Variants in OSTF1 observed in about 807,000 individuals in gnomAD.
OSTF1 encodes osteoclast-stimulating factor 1.
OSTF1 carries 27 observed loss-of-function variants against 37.2 expected under a neutral mutation model. That is an observed-to-expected ratio of 0.73 (90% CI 0.54 to 1.00). The LOEUF is 1.00. Ranked by LOEUF, OSTF1 falls within the 50% of genes least tolerant of loss-of-function variation. OSTF1 has a pLI of 0.00. For synonymous variants in OSTF1, 82 were observed against 89.2 expected (o/e 0.92, Z 0.46); for missense variants, 232 against 253.8 (o/e 0.91, Z 0.58).
chr9:75,133,478 A>G, intron 6 of OSTF1, 77 bp downstream of exon 6: 1 of 858,122 alleles, frequency 1.2e-6, no homozygotes, highest in Non-Finnish European at 1.9e-6. Context: ...TTTACAAAAA[A>G]TGAGAAAGGA....
At position 75,098,897 on chromosome 9, in the gene OSTF1, T is replaced by G. The variant is rs74506811; in HGVS notation, c.34+10171T>G. Among the ~76,000 whole-genome samples the G allele has an allele frequency of 4.9e-3, 741 of 152,350 alleles. 5 individuals are homozygous for G. Among genetic ancestry groups the G allele is most frequent in the African/African-American group, 0.017 (703 of 41,586 alleles). ...TCTCCCTACCCATCACTCTGCCAGC[T>G]ATACTGGCAGAAACCAAAAGCCTCT... On this transcript the variant is annotated intron_variant, in intron 1 of 9. Transcript: ENST00000346234.
chr9:75,134,200 T>C (rs1196242864), intron 6 of OSTF1, 146 bp from the exon 7 acceptor site: 4 of 509,468 alleles, frequency 7.9e-6, no homozygotes, highest in Non-Finnish European at 1.4e-5. Context: ...TTCTTAAGTT[T>C]TTCTATTTTA....
At chr9:75,140,439 G>A (rs142783542) in intron 8 of OSTF1, among the ~76,000 whole-genome samples, 6 of 152,336 alleles carry the variant, frequency 3.9e-5, no homozygotes, top group African/African-American at 1.4e-4. Context: ...TAATTTGCAT[G>A]AGAGCAGACT....
At chr9:75,121,747 C>T (rs1452746132) in intron 2 of OSTF1, among the ~76,000 whole-genome samples, 8 of 152,194 alleles carry the variant, frequency 5.3e-5, no homozygotes, top group African/African-American at 1.9e-4. Flanking sequence ...GACCAGCAGC[C>T]ATCTTCTCTG....
chr9:75,104,930 C>T (rs963231681), intron 1 of OSTF1, among the ~76,000 whole-genome samples: 3 of 152,120 alleles, frequency 2.0e-5, no homozygotes, highest in Admixed American at 6.6e-5. Flanking sequence ...ACCTCAGTTT[C>T]CCCAGCTATA....
At chr9:75,093,050 C>G (rs866773179) in intron 1 of OSTF1, among the ~76,000 whole-genome samples, 3 of 135,230 alleles carry the variant, frequency 2.2e-5, no homozygotes, top group African/African-American at 3.1e-5. Flanking sequence ...TTCTCTCTCT[C>G]TCTTTCTTTC....
intron 1 of OSTF1, among the ~76,000 whole-genome samples, chr9:75,109,201 T>G (rs1024237392): frequency 1.3e-5 from 2 of 151,876 alleles, no homozygotes; most frequent in Admixed American, 6.6e-5. Flanking sequence ...TTAGTAGAGA[T>G]GAGGTTTCAC....
At chr9:75,126,427 C>G (rs1328158306) in intron 2 of OSTF1, among the ~76,000 whole-genome samples, 2 of 152,032 alleles carry the variant, frequency 1.3e-5, no homozygotes, top group African/African-American at 4.8e-5. Context: ...ATTTTTCATC[C>G]ACCATGATGA....
chr9:75,099,870 T>C (rs959127479), intron 1 of OSTF1, among the ~76,000 whole-genome samples: 4 of 152,170 alleles, frequency 2.6e-5, no homozygotes, highest in African/African-American at 9.7e-5. Context: ...TGACCCACTA[T>C]ATCTGGCCAA....
intron 1 of OSTF1, among the ~76,000 whole-genome samples, chr9:75,095,730 CAGAA>C (rs1260604307): frequency 2.6e-5 from 4 of 152,242 alleles, no homozygotes; most frequent in Admixed American, 2.0e-4. Flanking sequence ...TTGCTCCACA[CAGAA>C]AGCAAGAATT....
intron 1 of OSTF1, among the ~76,000 whole-genome samples, chr9:75,115,582 C>T (rs1221928206): frequency 6.6e-5 from 10 of 151,760 alleles, no homozygotes; most frequent in African/African-American, 2.2e-4. Context: ...ATAGATAGTC[C>T]CTCTATTTTG....
chr9:75,104,308 G>C (rs1825247564), intron 1 of OSTF1, among the ~76,000 whole-genome samples: 1 of 152,136 alleles, frequency 6.6e-6, no homozygotes, highest in South Asian at 2.1e-4. Flanking sequence ...GCTTTGGAAG[G>C]ACAAGGCAAG....
chr9:75,121,018 TCTG>T (rs1825572605), intron 2 of OSTF1, among the ~76,000 whole-genome samples: 1 of 152,214 alleles, frequency 6.6e-6, no homozygotes, highest in South Asian at 2.1e-4. Flanking sequence ...AGACACAGCG[TCTG>T]AGGAAGCAGG....
chr9:75,091,598 C>T (rs1185319204), intron 1 of OSTF1, among the ~76,000 whole-genome samples: 1 of 152,162 alleles, frequency 6.6e-6, no homozygotes, highest in Non-Finnish European at 1.5e-5. Flanking sequence ...ATAAAAATCT[C>T]CAAAGACAGC....
At chr9:75,112,225 A>T (rs1007177716) in intron 1 of OSTF1, among the ~76,000 whole-genome samples, 2 of 151,908 alleles carry the variant, frequency 1.3e-5, no homozygotes, top group African/African-American at 4.8e-5. Flanking sequence ...CCTATAGAAC[A>T]TTGCTCAAAA....
At chr9:75,143,454 G>GA (rs1825974606) in intron 9 of OSTF1, among the ~76,000 whole-genome samples, 1 of 152,178 alleles carries the variant, frequency 6.6e-6, no homozygotes, top group East Asian at 1.9e-4. Context: ...TGAAGCTAGA[G>GA]AACAGTTCCC....
At chr9:75,141,311 C>CAAAAAAAAA (rs1825939416) in intron 9 of OSTF1, among the ~76,000 whole-genome samples, 1 of 14,268 alleles carries the variant, frequency 7.0e-5, no homozygotes, top group Non-Finnish European at 1.4e-4. Flanking sequence ...AAAAAGAAAA[C>CAAAAAAAAA]CAAAAAAAAA....
At chr9:75,118,565 G>C (rs989151062) in intron 2 of OSTF1, among the ~76,000 whole-genome samples, 1 of 152,140 alleles carries the variant, frequency 6.6e-6, no homozygotes, top group African/African-American at 2.4e-5. Flanking sequence ...AAACCAAGAA[G>C]ATTTCTTGGG....
At chr9:75,126,193 G>A (rs1554773387) in intron 2 of OSTF1, among the ~76,000 whole-genome samples, 1 of 152,198 alleles carries the variant, frequency 6.6e-6, no homozygotes, top group Non-Finnish European at 1.5e-5. Flanking sequence ...GGAATTGCAG[G>A]CATGAGCTAC....
Sources: gnomAD v4.1 joint callset for allele counts (sites outside exome capture counted in the v4.1 genomes callset) on GRCh38, gnomAD v4.1.1 for gene constraint, MANE v1.5 for transcripts, NCBI Gene and HGNC (gene_info 2026-07-23, HGNC 2026-07-21) for gene names.